Variants in NPAS3 observed in about 807,000 individuals in gnomAD.
NPAS3 encodes the protein neuronal PAS domain protein 3.
In NPAS3, 14 loss-of-function variants were observed where a neutral mutation model predicts 73.1. The ratio of observed to expected loss-of-function variants is 0.19; its 90% CI spans 0.13 to 0.30. The LOEUF is 0.30. Ranked by LOEUF, NPAS3 falls within the 10% of genes least tolerant of loss-of-function variation. NPAS3 has a pLI of 1.00. For missense variants in NPAS3, 1,096 were observed against 1,250.0 expected, an observed-to-expected ratio of 0.88 and a Z score of 1.86; for synonymous variants, 620 against 541.5, an observed-to-expected ratio of 1.14 and a Z score of -2.01.
At chr14:33,656,197 A>ATGAT (rs2140252335) in intron 5 of NPAS3, among the ~76,000 whole-genome samples, 1 of 152,324 alleles carries the variant, frequency 6.6e-6, no homozygotes, top group Admixed American at 6.5e-5. Flanking sequence ...GACTTTCTTA[A>ATGAT]TGATTGGCAC....
At chr14:33,790,066 A>G (rs999096612) in intron 9 of NPAS3, among the ~76,000 whole-genome samples, 2 of 152,192 alleles carry the variant, frequency 1.3e-5, no homozygotes, top group African/African-American at 4.8e-5. Context: ...TATGACAAGG[A>G]TGTGATATTC....
At chr14:33,136,052 T>A (rs1566597421) in intron 2 of NPAS3, among the ~76,000 whole-genome samples, 1 of 138,944 alleles carries the variant, frequency 7.2e-6, no homozygotes, top group African/African-American at 2.9e-5. Context: ...AATAACTACC[T>A]TTTTTCTTTT....
At chr14:33,180,256 A>G (rs549105973) in intron 2 of NPAS3, among the ~76,000 whole-genome samples, 10 of 152,046 alleles carry the variant, frequency 6.6e-5, no homozygotes, top group African/African-American at 2.4e-4. Flanking sequence ...TTCTTATCGT[A>G]TCTCCATTAA....
intron 3 of NPAS3, among the ~76,000 whole-genome samples, chr14:33,299,105 C>G (rs1025390181): frequency 2.0e-5 from 3 of 152,176 alleles, no homozygotes; most frequent in Non-Finnish European, 4.4e-5. Context: ...GTTTCTGGAG[C>G]TGCCATAGAT....
At chr14:33,478,561 A>T (rs2139682012) in intron 4 of NPAS3, among the ~76,000 whole-genome samples, 1 of 152,272 alleles carries the variant, frequency 6.6e-6, no homozygotes, top group East Asian at 1.9e-4. Context: ...AGACAGATGA[A>T]GTAAAATTTG....
chr14:32,989,816 G>C (rs1029516374), intron 1 of NPAS3, among the ~76,000 whole-genome samples: 10 of 152,192 alleles, frequency 6.6e-5, no homozygotes, highest in Non-Finnish European at 1.5e-4. Flanking sequence ...TTGAATTTCA[G>C]AAAGATGACT....
intron 6 of NPAS3, among the ~76,000 whole-genome samples, chr14:33,733,051 G>A (rs8005402): frequency 7.9e-5 from 12 of 152,106 alleles, no homozygotes; most frequent in East Asian, 1.9e-4. Context: ...GGACCCCAGC[G>A]CTAAAACAGG....
chr14:33,276,018 GGTACTCTA>G (rs1187901896), intron 3 of NPAS3, among the ~76,000 whole-genome samples: 1 of 151,982 alleles, frequency 6.6e-6, no homozygotes, highest in Non-Finnish European at 1.5e-5. Flanking sequence ...ACCCTACTGG[GGTACTCTA>G]TATTGATACT....
chr14:33,659,747 A>G (rs547505386), intron 5 of NPAS3, among the ~76,000 whole-genome samples: 2 of 152,294 alleles, frequency 1.3e-5, no homozygotes, highest in African/African-American at 4.8e-5. Context: ...AAAAAAAAGT[A>G]GCATTAGAGT....
intron 2 of NPAS3, among the ~76,000 whole-genome samples, chr14:33,142,015 T>C (rs1238830705): frequency 1.3e-5 from 2 of 152,130 alleles, no homozygotes; most frequent in African/African-American, 4.8e-5. Flanking sequence ...ATTTATTTAT[T>C]TTTATCACTT....
chr14:33,615,294 A>G (rs983781946), intron 5 of NPAS3, among the ~76,000 whole-genome samples: 3 of 152,202 alleles, frequency 2.0e-5, no homozygotes, highest in Non-Finnish European at 4.4e-5. Context: ...GCATAAACTA[A>G]GTACCAAGTT....
chr14:33,519,460 G>A (rs970255613), intron 4 of NPAS3, among the ~76,000 whole-genome samples: 1 of 152,084 alleles, frequency 6.6e-6, no homozygotes, highest in African/African-American at 2.4e-5. Flanking sequence ...AGCTTCCCCT[G>A]ATGTCATTCA....
intron 2 of NPAS3, among the ~76,000 whole-genome samples, chr14:33,193,056 G>A (rs768374297): frequency 6.6e-6 from 1 of 152,172 alleles, no homozygotes; most frequent in Non-Finnish European, 1.5e-5. Context: ...TACCCTAGTG[G>A]AAGACCTAAT....
chr14:33,700,033 C>T (rs2060485789), intron 6 of NPAS3, among the ~76,000 whole-genome samples: 1 of 152,180 alleles, frequency 6.6e-6, no homozygotes, highest in African/African-American at 2.4e-5. Context: ...AAACTTCATA[C>T]TAACTTGTTC....
exon 12 of NPAS3, chr14:33,799,783 C>G: frequency 6.2e-7 from 1 of 1,607,754 alleles, no homozygotes; most frequent in Non-Finnish European, 8.5e-7. Flanking sequence ...AGTCCGAGAA[C>G]AGCGAAGACC....
chr14:33,602,470 A>T (rs2057428528), intron 5 of NPAS3, among the ~76,000 whole-genome samples: 1 of 152,204 alleles, frequency 6.6e-6, no homozygotes, highest in Non-Finnish European at 1.5e-5. Context: ...AACACAGCAC[A>T]TTCAAGCACT....
intron 2 of NPAS3, among the ~76,000 whole-genome samples, chr14:33,178,658 G>A (rs752339416): frequency 1.3e-5 from 2 of 152,014 alleles, no homozygotes; most frequent in African/African-American, 2.4e-5. Flanking sequence ...CTGATTTTTT[G>A]TCTGTAGATC....
intron 5 of NPAS3, among the ~76,000 whole-genome samples, chr14:33,652,201 C>T (rs544728678): frequency 6.6e-6 from 1 of 152,180 alleles, no homozygotes; most frequent in Non-Finnish European, 1.5e-5. Context: ...TCTTGGCATC[C>T]TTATATTTTG....
At chr14:33,729,221 T>C (rs1453148236) in intron 6 of NPAS3, among the ~76,000 whole-genome samples, 3 of 152,180 alleles carry the variant, frequency 2.0e-5, no homozygotes, top group Non-Finnish European at 2.9e-5. Context: ...ACCCTACTTA[T>C]AAAAGTCAAT....
Sources: gnomAD v4.1 joint callset for allele counts (sites outside exome capture counted in the v4.1 genomes callset) on GRCh38, gnomAD v4.1.1 for gene constraint, MANE v1.5 for transcripts, NCBI Gene and HGNC (gene_info 2026-07-23, HGNC 2026-07-21) for gene names.